The following SULT2B1 variants were observed in gnomAD, a reference collection of about 807,000 sequenced individuals.
SULT2B1 encodes sulfotransferase 2B1.
A neutral mutation model predicts 33.2 loss-of-function variants in SULT2B1; 16 were observed. That is an observed-to-expected ratio of 0.48 (90% CI 0.33 to 0.73). SULT2B1 has a LOEUF of 0.73. Ranked by LOEUF, SULT2B1 falls within the 30% of genes least tolerant of loss-of-function variation. The pLI is 0.02. For synonymous variants in SULT2B1, 186 were observed against 200.5 expected (o/e 0.93, Z 0.61); for missense variants, 500 against 506.0 (o/e 0.99, Z 0.11).
At chr19:48,581,885 T>TTA (rs199833150) in intron 2 of SULT2B1, among the ~76,000 whole-genome samples, 5,593 of 113,376 alleles carry the variant, frequency 0.049, 168 homozygotes, top group African/African-American at 0.099. Context: ...TTTATTATTA[T>TTA]TATTATATTA....
intron 1 of SULT2B1, among the ~76,000 whole-genome samples, chr19:48,557,162 C>T (rs1374291801): frequency 1.3e-5 from 2 of 152,228 alleles, no homozygotes; most frequent in African/African-American, 4.8e-5. Context: ...CGGGTAGATG[C>T]CACAGGAAGG....
rs141268538 is a variant in SULT2B1, at chr19:48,599,330, G to C, written c.1022G>C (p.Arg341Pro). The change falls in exon 7 of 7, where the codon CGT becomes CCT. Residue 341 changes from arginine to proline, a missense_variant. By Grantham distance (103) the Arg-to-Pro change is moderately radical. Transcript: ENST00000201586. This position sits in a 1 kb window ranked among gnomAD's most constrained non-coding sequence, Gnocchi z 4.1. ...CTTGAGCCCAACACCAGCCTGGAGC[G>C]TGAGCCCAGACCCAACTCCAGCCCC... is the stretch of plus-strand genomic sequence containing the variant. ...PSLEPNTSLE[R>P]EPRPNSSPSP... is the part of the protein sequence containing the mutation. 1.9e-6 allele frequency: 3 copies of C among 1,598,700 alleles called. No individual in the cohort carries two copies. The highest frequency in any genetic ancestry group is 2.6e-6 in the Non-Finnish European group (3 of 1,172,280).
intron 2 of SULT2B1, among the ~76,000 whole-genome samples, chr19:48,578,783 G>T (rs964321238): frequency 6.6e-6 from 1 of 152,050 alleles, no homozygotes; most frequent in African/African-American, 2.4e-5. Context: ...GGCTGAGGCA[G>T]GAGAATTGCT....
chr19:48,558,651 GGCT>G (rs1156698975), intron 1 of SULT2B1, among the ~76,000 whole-genome samples: 2 of 151,544 alleles, frequency 1.3e-5, no homozygotes, highest in Non-Finnish European at 2.9e-5. Context: ...CCAGTCATGA[GGCT>G]GCTTTTTCTT....
chr19:48,579,449 A>AT (rs1973455900), intron 2 of SULT2B1, among the ~76,000 whole-genome samples: 1 of 150,802 alleles, frequency 6.6e-6, no homozygotes, highest in South Asian at 2.1e-4. Context: ...TACCCAGCTA[A>AT]TTTTTTGTAT....
chr19:48,591,672 G>A lies in SULT2B1; in HGVS notation c.487G>A (p.Ala163Thr), dbSNP rs763041534. 4.3e-6 allele frequency: 7 copies of A among 1,613,296 alleles called. No individual in the cohort carries two copies. The highest frequency in any genetic ancestry group is 1.1e-5 in the South Asian group (1 of 90,994). Residue 163 changes from alanine (A) to threonine (T), a missense_variant, in exon 4 of 7, where the codon GCC (alanine) becomes ACC (threonine). By Grantham distance (58) the Ala-to-Thr change is moderately conservative. Coordinates refer to ENST00000201586, the MANE Select transcript of SULT2B1 (RefSeq NM_177973.2). ...VVSLYHYSKIAGQLKDPGTPD... is the reference protein window; with the variant it reads ...VVSLYHYSKITGQLKDPGTPD... ...CTCCCTCTATCATTACTCCAAGATC[G>A]CCGGGCAGTTAAAGGACCCGGGCAC...
chr19:48,572,721 A>T (rs927005777), intron 1 of SULT2B1, among the ~76,000 whole-genome samples: 1 of 151,868 alleles, frequency 6.6e-6, no homozygotes, highest in East Asian at 1.9e-4. Context: ...GGCAGCGGAG[A>T]AGACCTGGAG....
chr19:48,593,783 C>T (rs920071221), intron 5 of SULT2B1, among the ~76,000 whole-genome samples: 13 of 149,686 alleles, frequency 8.7e-5, no homozygotes, highest in East Asian at 2.1e-4. Flanking sequence ...TACAGGCATG[C>T]GCCACCACGC....
rs192685013 is a variant in SULT2B1, at chr19:48,574,753, T to C, written c.72-1188T>C. Among the ~76,000 whole-genome samples, 258 of 152,274 alleles carry C rather than the reference T, an allele frequency of 1.7e-3. 2 individuals carry two copies. Among genetic ancestry groups the C allele is most frequent in the African/African-American group, 5.6e-3 (234 of 41,550 alleles). On this transcript the variant is annotated intron_variant, in intron 1 of 6. Transcript: ENST00000201586. ...CTGCCCAAGGCACAGAAAGGACAAG[T>C]AGGACCTATGGAAGCCCAGCCAAGG...
intron 2 of SULT2B1, among the ~76,000 whole-genome samples, chr19:48,586,147 G>A (rs912964093): frequency 3.9e-5 from 6 of 152,044 alleles, no homozygotes; most frequent in African/African-American, 4.8e-5. Flanking sequence ...TCTTAAGCCC[G>A]GGATTTCAAG....
intron 3 of SULT2B1, among the ~76,000 whole-genome samples, chr19:48,589,013 G>T (rs1483628701): frequency 6.6e-6 from 1 of 152,228 alleles, no homozygotes; most frequent in Non-Finnish European, 1.5e-5. Context: ...AGGCAGCGCG[G>T]CAGGGATCGC....
chr19:48,587,759 G>A (rs1342801706), intron 3 of SULT2B1, among the ~76,000 whole-genome samples: 1 of 151,726 alleles, frequency 6.6e-6, no homozygotes, highest in African/African-American at 2.4e-5. Flanking sequence ...CAGACGTGGT[G>A]GCACACACTT....
chr19:48,556,540 C>A (rs1228213386), intron 1 of SULT2B1, among the ~76,000 whole-genome samples: 1 of 152,024 alleles, frequency 6.6e-6, no homozygotes, highest in Non-Finnish European at 1.5e-5. Context: ...GCCGTGGAAA[C>A]TCCCCGTGGT....
intron 6 of SULT2B1, among the ~76,000 whole-genome samples, chr19:48,598,374 C>T (rs1278237066): frequency 3.3e-5 from 5 of 151,976 alleles, no homozygotes; most frequent in African/African-American, 1.2e-4. Context: ...GGTGGACCAC[C>T]TGAGGTCAGG....
chr19:48,561,945 A>G (rs985992790), intron 1 of SULT2B1, among the ~76,000 whole-genome samples: 2 of 151,502 alleles, frequency 1.3e-5, no homozygotes, highest in African/African-American at 2.4e-5. Context: ...CAAAAACCCC[A>G]TGTCTACTAA....
chr19:48,569,363 C>CATATATATATATAT (rs1159840741), intron 1 of SULT2B1, among the ~76,000 whole-genome samples: 5 of 33,270 alleles, frequency 1.5e-4, no homozygotes, highest in South Asian at 1.3e-3. Context: ...AAAAAAAAAA[C>CATATATATATATAT]ATATATATAT....
chr19:48,566,902 T>C (rs928821604), intron 1 of SULT2B1, among the ~76,000 whole-genome samples: 1 of 151,382 alleles, frequency 6.6e-6, no homozygotes, highest in Non-Finnish European at 1.5e-5. Context: ...TCTTGGGAAG[T>C]TGAGACATGA....
chr19:48,577,289 T>TCATGATCCAC (rs1052388658), intron 2 of SULT2B1, among the ~76,000 whole-genome samples: 1 of 142,340 alleles, frequency 7.0e-6, no homozygotes, highest in Non-Finnish European at 1.5e-5. Flanking sequence ...ACTCCTGACC[T>TCATGATCCAC]CATGATCCAC....
chr19:48,581,875 TTTATTATTATTATTATATTA>T (rs1568410287), intron 2 of SULT2B1, among the ~76,000 whole-genome samples: 1 of 128,858 alleles, frequency 7.8e-6, no homozygotes, highest in Non-Finnish European at 1.6e-5. Flanking sequence ...CAGAGTATGT[TTTATTATTATTATTATATTA>T]TTATTATTAT....
Sources: gnomAD v4.1 joint callset for allele counts (sites outside exome capture counted in the v4.1 genomes callset) on GRCh38, gnomAD v4.1.1 for gene constraint, Gnocchi (gnomAD v3.1) non-coding constraint, MANE v1.5 for transcripts, NCBI Gene and HGNC (gene_info 2026-07-23, HGNC 2026-07-21) for gene names.